The following TBC1D22A variants were observed in gnomAD, a reference collection of about 807,000 sequenced individuals.
The protein encoded by TBC1D22A is putative GTPase activator.
A neutral mutation model predicts 60.2 loss-of-function variants in TBC1D22A; 38 were observed. The ratio of observed to expected loss-of-function variants is 0.63; its 90% CI spans 0.49 to 0.83. The LOEUF is 0.83. Ranked by LOEUF, TBC1D22A falls within the 40% of genes least tolerant of loss-of-function variation. The probability of loss-of-function intolerance (pLI) is 0.00; values close to 1 mark genes in which losing one functional copy is unlikely to be tolerated. For missense variants in TBC1D22A, 628 were observed against 701.0 expected, an observed-to-expected ratio of 0.90 and a Z score of 1.18; for synonymous variants, 302 against 281.7, an observed-to-expected ratio of 1.07 and a Z score of -0.72.
intron 9 of TBC1D22A, among the ~76,000 whole-genome samples, chr22:46,986,572 T>C (rs1422712663): frequency 6.6e-6 from 1 of 152,254 alleles, no homozygotes; most frequent in African/African-American, 2.4e-5. Context: ...TTGCAGTTTT[T>C]GGTATAGGGT....
intron 11 of TBC1D22A, among the ~76,000 whole-genome samples, chr22:47,071,788 T>A (rs1211180018): frequency 6.6e-6 from 1 of 152,174 alleles, no homozygotes; most frequent in African/African-American, 2.4e-5. Context: ...CATTTGAATT[T>A]CTGAGTCCTG....
Position 46,849,066 on chromosome 22 carries a change from T to C in TBC1D22A, c.638-29587T>C, listed in dbSNP as rs548036962. On this transcript the variant is annotated intron_variant, in intron 4 of 12. Transcript: ENST00000337137. Reference sequence around the variant, plus strand: ...ACCACTTAGTAGCTAGTTACAATACTTAACCCCATCTGTCTGGAGTGGCTA... The same window carrying C: ...ACCACTTAGTAGCTAGTTACAATACCTAACCCCATCTGTCTGGAGTGGCTA... Among the ~76,000 whole-genome samples, 36 of 152,322 alleles carry C rather than the reference T, an allele frequency of 2.4e-4. No homozygotes were observed. The South Asian group carries it at 7.0e-3, about 30-fold the overall frequency.
At chr22:46,793,862 A>G in intron 3 of TBC1D22A, 21 bp downstream of exon 3, 1 of 1,523,096 alleles carries the variant, frequency 6.6e-7, no homozygotes, top group Non-Finnish European at 8.8e-7. Context: ...AGGACTGAAG[A>G]GATGGTCTGG....
At chr22:46,785,460 C>T (rs908629773) in intron 1 of TBC1D22A, among the ~76,000 whole-genome samples, 1 of 152,220 alleles carries the variant, frequency 6.6e-6, no homozygotes, top group East Asian at 1.9e-4. Flanking sequence ...AATTCACCCA[C>T]AATAGCCTTC....
intron 12 of TBC1D22A, among the ~76,000 whole-genome samples, chr22:47,160,952 G>A (rs965766671): frequency 2.9e-4 from 16 of 55,330 alleles, no homozygotes; most frequent in African/African-American, 6.2e-4. Flanking sequence ...GAGGGACCCC[G>A]GGGGCCTTGG....
intron 11 of TBC1D22A, among the ~76,000 whole-genome samples, chr22:47,074,428 G>A (rs541301852): frequency 1.3e-5 from 2 of 152,332 alleles, no homozygotes; most frequent in East Asian, 3.9e-4. Flanking sequence ...GCTGGAAGCA[G>A]GCACTTTGTT....
intron 4 of TBC1D22A, among the ~76,000 whole-genome samples, chr22:46,825,946 C>G (rs534015275): frequency 2.7e-4 from 41 of 151,094 alleles, no homozygotes; most frequent in Non-Finnish European, 5.2e-4. Flanking sequence ...ACAGTGGCGC[C>G]ATCTCGGCTT....
intron 9 of TBC1D22A, among the ~76,000 whole-genome samples, chr22:46,994,903 A>G (rs572012331): frequency 6.6e-6 from 1 of 152,352 alleles, no homozygotes; most frequent in Admixed American, 6.5e-5. Flanking sequence ...AAAGATGATG[A>G]CAGTCAAAGG....
chr22:47,082,757 C>T (rs2064522083), intron 11 of TBC1D22A, among the ~76,000 whole-genome samples: 1 of 152,222 alleles, frequency 6.6e-6, no homozygotes, highest in African/African-American at 2.4e-5. Flanking sequence ...GTGGCTCAGC[C>T]AGAAGCCCCA....
chr22:46,791,294 A>G (rs2084396274), intron 1 of TBC1D22A, among the ~76,000 whole-genome samples: 1 of 152,140 alleles, frequency 6.6e-6, no homozygotes, highest in South Asian at 2.1e-4. Flanking sequence ...CATTGCCAGT[A>G]TTGCCTTCAA....
chr22:46,780,811 G>A (rs552923733), intron 1 of TBC1D22A, among the ~76,000 whole-genome samples: 19 of 152,344 alleles, frequency 1.2e-4, no homozygotes, highest in South Asian at 2.1e-4. Context: ...ATAACGCAGC[G>A]TAGTCAGTAG....
At chr22:46,922,643 A>G (rs913802696) in intron 8 of TBC1D22A, among the ~76,000 whole-genome samples, 1 of 152,116 alleles carries the variant, frequency 6.6e-6, no homozygotes, top group Non-Finnish European at 1.5e-5. Context: ...TAGAGATCTT[A>G]TATGTTACCT....
At chr22:46,781,236 C>T (rs542057901) in intron 1 of TBC1D22A, among the ~76,000 whole-genome samples, 4 of 150,426 alleles carry the variant, frequency 2.7e-5, no homozygotes, top group African/African-American at 4.9e-5. Flanking sequence ...TGCAGTGGTG[C>T]GTGATCTTAG....
At position 47,053,447 on chromosome 22, in the gene TBC1D22A, C is replaced by T. The variant is rs75679775; in HGVS notation, c.1329+16249C>T. On this transcript the variant is annotated intron_variant, in intron 11 of 12. Coordinates refer to ENST00000337137, the MANE Select transcript of TBC1D22A (RefSeq NM_014346.5). The stretch of plus-strand genomic sequence containing the variant: ...GACCAGCAAGCAGGGTGGCCTGTCC[C>T]AGGGCCGCCTCGTCAGGCGCACTCA... 1.3e-5 allele frequency among the ~76,000 whole-genome samples: 2 copies of T among 152,316 alleles called. 1 individual carries two copies.
intron 4 of TBC1D22A, among the ~76,000 whole-genome samples, chr22:46,839,193 T>C (rs919594190): frequency 7.2e-5 from 11 of 152,288 alleles, no homozygotes; most frequent in African/African-American, 1.7e-4. Flanking sequence ...TGTGTTTCTA[T>C]ACACTAACAA....
intron 10 of TBC1D22A, among the ~76,000 whole-genome samples, chr22:47,024,220 G>A (rs2062178833): frequency 6.6e-6 from 1 of 152,096 alleles, no homozygotes. Context: ...CAGAGCTATG[G>A]CTAATAAGCT....
intron 4 of TBC1D22A, among the ~76,000 whole-genome samples, chr22:46,841,053 T>G (rs1393371355): frequency 6.7e-6 from 1 of 149,092 alleles, no homozygotes; most frequent in African/African-American, 2.5e-5. Flanking sequence ...AATGGGTGTG[T>G]GTGTGTGTGT....
rs1022504508 is a variant in TBC1D22A, at chr22:46,762,881, A to G, written c.62+33A>G. 6.1e-6 allele frequency: 9 copies of G among 1,469,288 alleles called. No homozygotes were observed. In the African/African-American group the frequency reaches 7.5e-5, roughly 12 times the overall value. 91.0% of individuals were successfully genotyped at this position (1,469,288 alleles called of 1,614,324 possible). ...TGCCGCGGAGGGCCAGGTCGGGGTC[A>G]GGGGTCAGAGGTCAGGTGGCCGCGT... On this transcript the variant is annotated intron_variant, in intron 1 of 12. Coordinates refer to ENST00000337137, the MANE Select transcript of TBC1D22A (RefSeq NM_014346.5).
Position 46,797,755 on chromosome 22 carries a change from A to G in TBC1D22A, c.637+135A>G, listed in dbSNP as rs1207116980. ...GTGTAATTTGCCTTGCAGGAAGGTG[A>G]TGTTTTCATGTAATATTTTCAAGTC... is the stretch of plus-strand genomic sequence containing the variant. On this transcript the variant is annotated intron_variant, in intron 4 of 12. Coordinates refer to ENST00000337137, the MANE Select transcript of TBC1D22A (RefSeq NM_014346.5). The G allele has an allele frequency of 5.7e-6, 5 of 882,480 alleles. No individual in the cohort carries two copies. The East Asian group carries it at 1.6e-4, about 28-fold the overall frequency. 54.7% of individuals were successfully genotyped at this position (882,480 alleles called of 1,614,324 possible).
Sources: allele counts gnomAD v4.1 joint callset (sites outside exome capture counted in the v4.1 genomes callset), GRCh38; gene constraint gnomAD v4.1.1; transcripts MANE v1.5; gene names NCBI Gene and HGNC (gene_info 2026-07-23, HGNC 2026-07-21).